Variants in SGK3 observed in about 807,000 individuals in gnomAD.
SGK3 encodes the protein serine/threonine-protein kinase Sgk3.
Under a neutral mutation model 68.5 loss-of-function variants are expected in SGK3, and 47 were observed. The ratio of observed to expected loss-of-function variants is 0.69; its 90% CI spans 0.54 to 0.87. The LOEUF is 0.87. Among genes scored for constraint, SGK3 ranks in the 40% least tolerant of loss-of-function variants. SGK3 has a pLI of 0.00. For synonymous variants in SGK3, 181 were observed against 189.1 expected, an observed-to-expected ratio of 0.96 and a Z score of 0.35; for missense variants, 479 against 575.5, an observed-to-expected ratio of 0.83 and a Z score of 1.72.
At chr8:66,755,259 A>C (rs1305039081) in intron 1 of SGK3, among the ~76,000 whole-genome samples, 1 of 109,084 alleles carries the variant, frequency 9.2e-6, no homozygotes, top group Admixed American at 8.7e-5. Context: ...ACTCCATCTC[A>C]AAAAAAAAAA....
At chr8:66,749,963 G>GTGTA (rs57678446) in intron 1 of SGK3, among the ~76,000 whole-genome samples, 3 of 149,498 alleles carry the variant, frequency 2.0e-5, no homozygotes, top group East Asian at 1.9e-4. Flanking sequence ...GTGTGTGTGT[G>GTGTA]TGTATGTGTG....
intron 1 of SGK3, among the ~76,000 whole-genome samples, chr8:66,783,210 C>T (rs182704236): frequency 2.0e-3 from 305 of 152,274 alleles, no homozygotes; most frequent in African/African-American, 6.9e-3. Context: ...TTTGCATTTC[C>T]TGGTGACATG....
chr8:66,805,411 C>T (rs968442383), intron 4 of SGK3, among the ~76,000 whole-genome samples: 1 of 149,854 alleles, frequency 6.7e-6, no homozygotes, highest in East Asian at 2.0e-4. Flanking sequence ...CCCAGCTACT[C>T]GGGAGGCTGA....
At chr8:66,831,011 C>T (rs1163806850) in intron 7 of SGK3, among the ~76,000 whole-genome samples, 2 of 152,152 alleles carry the variant, frequency 1.3e-5, no homozygotes, top group Non-Finnish European at 2.9e-5. Flanking sequence ...TGAAGTTCCT[C>T]TTAAGCAGAA....
At chr8:66,780,555 T>G (rs956503998) in intron 1 of SGK3, among the ~76,000 whole-genome samples, 2 of 152,118 alleles carry the variant, frequency 1.3e-5, no homozygotes, top group Admixed American at 6.5e-5. Flanking sequence ...TAAGAGCTGA[T>G]GAGAGTGTCC....
chr8:66,806,815 A>G (rs577868110), intron 4 of SGK3, among the ~76,000 whole-genome samples: 19 of 126,484 alleles, frequency 1.5e-4, no homozygotes, highest in African/African-American at 2.6e-4. Context: ...CTCTGTCTCG[A>G]AAAAAAAAAA....
intron 1 of SGK3, among the ~76,000 whole-genome samples, chr8:66,764,829 A>T (rs1806271524): frequency 6.6e-6 from 1 of 152,240 alleles, no homozygotes; most frequent in Non-Finnish European, 1.5e-5. Flanking sequence ...TATGTGGAAT[A>T]TAAATATAAA....
chr8:66,712,891 G>A (rs1804529560), intron 1 of SGK3, 58 bp downstream of exon 1: 1 of 151,834 alleles, frequency 6.6e-6, no homozygotes, highest in Non-Finnish European at 1.5e-5. Flanking sequence ...GCGGCCCGGG[G>A]CGGGAGGAGA....
chr8:66,832,910 GT>G (rs113467692), intron 8 of SGK3, among the ~76,000 whole-genome samples: 13,871 of 142,538 alleles, frequency 0.097, 951 homozygotes, highest in African/African-American at 0.2. Context: ...TGTTTGTTTT[GT>G]TTTTTTTTTT....
rs967998780 is a variant in SGK3 at position 66,831,399 on chromosome 8, T to G, written c.525+88T>G. The G allele has an allele frequency of 1.6e-4, 248 of 1,503,656 alleles. 2 individuals are homozygous for G. Among genetic ancestry groups the G allele is most frequent in the Non-Finnish European group, 1.8e-4 (194 of 1,091,468 alleles). The allele number at this position is 1,503,656 out of a possible 1,614,324, so 93.1% of individuals were successfully genotyped here. On this transcript the variant is annotated intron_variant, in intron 8 of 16. Transcript: ENST00000521198. ...TCTCACTCTGTTGTCCAGGCTGGAG[T>G]GTAGTGGTGCAGTCATAGCACACTT...
chr8:66,806,719 A>G (rs1808179333), intron 4 of SGK3, among the ~76,000 whole-genome samples: 1 of 151,986 alleles, frequency 6.6e-6, no homozygotes, highest in Admixed American at 6.6e-5. Context: ...AGGCTGGAGC[A>G]AGAGAATCAC....
chr8:66,835,581 A>C (rs1327053019), intron 8 of SGK3, among the ~76,000 whole-genome samples, 182 bp from the exon 9 acceptor site: 1 of 152,194 alleles, frequency 6.6e-6, no homozygotes, highest in Admixed American at 6.5e-5. Context: ...CTCAAATATC[A>C]ACACATTAAG....
chr8:66,716,252 G>A (rs3913346), intron 1 of SGK3, among the ~76,000 whole-genome samples: 22,744 of 152,076 alleles, frequency 0.15, 3,485 homozygotes, highest in African/African-American at 0.39. Flanking sequence ...TGCTACTTCC[G>A]CATCTTGTAG....
Position 66,760,388 on chromosome 8 carries a change from A to G in SGK3, c.-121-33228A>G, listed in dbSNP as rs575191228. Among the ~76,000 whole-genome samples, 69 of 132,882 alleles carry G rather than the reference A, an allele frequency of 5.2e-4. 1 individual carries two copies. Among genetic ancestry groups the G allele is most frequent in the African/African-American group, 1.8e-3 (63 of 34,720 alleles). The allele number at this position is 132,882 out of a possible 152,430, so 87.2% of individuals were successfully genotyped here. A position where few individuals can be genotyped will look rare whatever the true frequency, so the allele number is the denominator to read the frequency against. On this transcript the variant is annotated intron_variant, in intron 1 of 16. Transcript: ENST00000521198. ...CTTGCCCTGTCACCCAGGCTGGAGT[A>G]CAGTGGCACTATCTTGGCTCACTGC...
intron 1 of SGK3, among the ~76,000 whole-genome samples, chr8:66,734,390 T>C (rs557878917): frequency 6.6e-6 from 1 of 152,204 alleles, no homozygotes; most frequent in East Asian, 1.9e-4. Flanking sequence ...TGCTTAAAAA[T>C]TGTAAAAATT....
intron 6 of SGK3, among the ~76,000 whole-genome samples, chr8:66,828,105 C>T (rs796688889): frequency 1.2e-4 from 18 of 150,058 alleles, no homozygotes; most frequent in African/African-American, 4.4e-4. Context: ...GCCTGGGCGA[C>T]AGAGGGAGAC....
intron 4 of SGK3, among the ~76,000 whole-genome samples, chr8:66,808,626 G>C (rs1275663292): frequency 6.6e-6 from 1 of 150,482 alleles, no homozygotes; most frequent in African/African-American, 2.4e-5. Flanking sequence ...CGATTCTCCT[G>C]CCTCAACCTC....
At chr8:66,839,559 TTTC>T (rs1809710890) in intron 10 of SGK3, among the ~76,000 whole-genome samples, 7 of 70,324 alleles carry the variant, frequency 1.0e-4, no homozygotes, top group African/African-American at 3.6e-4. Context: ...ATATATATAT[TTTC>T]ATATGGGTTA....
At chr8:66,835,032 G>A (rs1809464543) in intron 8 of SGK3, among the ~76,000 whole-genome samples, 1 of 152,106 alleles carries the variant, frequency 6.6e-6, no homozygotes, top group African/African-American at 2.4e-5. Context: ...CACTTGGTGA[G>A]GTCGAGGCAG....
Sources: allele counts gnomAD v4.1 joint callset (sites outside exome capture counted in the v4.1 genomes callset), GRCh38; gene constraint gnomAD v4.1.1; transcripts MANE v1.5; gene names NCBI Gene and HGNC (gene_info 2026-07-23, HGNC 2026-07-21).